MED13: variants seen among roughly 807,000 people sequenced by gnomAD.
MED13 encodes mediator complex subunit 13.
A neutral mutation model predicts 225.2 loss-of-function variants in MED13; 23 were observed. The ratio of observed to expected loss-of-function variants is 0.10; its 90% CI spans 0.07 to 0.14. The LOEUF (loss-of-function observed/expected upper bound fraction) is 0.14, where lower values mean the gene tolerates loss of function less well. Among genes scored for constraint, MED13 ranks in the 10% least tolerant of loss-of-function variants. MED13 has a pLI of 1.00. For synonymous variants in MED13, 942 were observed against 889.2 expected, an observed-to-expected ratio of 1.06 and a Z score of -1.06; for missense variants, 2,197 against 2,594.5, an observed-to-expected ratio of 0.85 and a Z score of 3.33.
Position 62,015,867 on chromosome 17 carries a change from ATG to A in MED13, c.1284-4636_1284-4635del, listed in dbSNP as rs754140011. Among the ~76,000 whole-genome samples, 383 of 77,236 alleles carry A rather than the reference ATG, an allele frequency of 5.0e-3. 9 individuals are homozygous for A. The highest frequency in any genetic ancestry group is 5.7e-3 in the Non-Finnish European group (248 of 43,400). The allele number at this position is 77,236 out of a possible 152,430, so 50.7% of individuals were successfully genotyped here. ...CACTATATATATGTGTATAGTGTGT[ATG>A]TGTGTGTGTATATATATACACACAC... is the stretch of plus-strand genomic sequence containing the variant. On this transcript the variant is annotated intron_variant, in intron 8 of 29. Transcript: ENST00000397786.
chr17:61,963,005 G>T, intron 20 of MED13, 34 bp from the exon 21 acceptor site: 1 of 1,587,800 alleles, frequency 6.3e-7, no homozygotes, highest in Non-Finnish European at 8.6e-7. Flanking sequence ...ACAAAAAGTT[G>T]TACTGTATAT....
intron 2 of MED13, among the ~76,000 whole-genome samples, chr17:62,053,479 G>T (rs1010202265): frequency 1.3e-5 from 2 of 152,092 alleles, no homozygotes; most frequent in African/African-American, 4.8e-5. Flanking sequence ...GTCATTTTGA[G>T]ATAAGTCTGG....
intron 8 of MED13, among the ~76,000 whole-genome samples, chr17:62,011,690 C>T (rs1031043513): frequency 1.3e-5 from 2 of 152,086 alleles, no homozygotes; most frequent in South Asian, 4.1e-4. Context: ...GGCCAGAAAG[C>T]GTATTCTACT....
At chr17:62,042,510 C>A (rs529931927) in intron 3 of MED13, among the ~76,000 whole-genome samples, 1 of 135,626 alleles carries the variant, frequency 7.4e-6, no homozygotes, top group East Asian at 2.3e-4. Context: ...TGCAATGAGC[C>A]GAGATTGCGC....
intron 8 of MED13, among the ~76,000 whole-genome samples, chr17:62,015,942 ATATATATATATATTTTTTT>A (rs1470854884): frequency 1.2e-3 from 12 of 10,024 alleles, no homozygotes; most frequent in Non-Finnish European, 2.2e-3. Context: ...ATATATATAT[ATATATATATATATTTTTTT>A]TTTTTTTTTT....
In MED13 at chr17:61,943,309, T is replaced by C. The variant is rs557524482; in HGVS notation, c.*3159A>G. On this transcript the variant is annotated 3_prime_UTR_variant, in exon 30 of 30. Coordinates refer to ENST00000397786, the MANE Select transcript of MED13 (RefSeq NM_005121.3). ...ATGAATAGCAAATTATATGATGCAA[T>C]AGCATTTAAAAACTTTTTAATCTAT... 6.5e-6 allele frequency: 1 copy of C among 152,722 alleles called. No individual in the cohort carries two copies. The highest frequency in any genetic ancestry group is 2.4e-5 in the African/African-American group (1 of 41,584). 9.5% of individuals were successfully genotyped at this position (152,722 alleles called of 1,614,324 possible). A position where few individuals can be genotyped will look rare whatever the true frequency, so the allele number is the denominator to read the frequency against.
intron 8 of MED13, among the ~76,000 whole-genome samples, chr17:62,028,902 A>C (rs888739440): frequency 6.6e-6 from 1 of 152,218 alleles, no homozygotes; most frequent in East Asian, 1.9e-4. Flanking sequence ...TCACACCTGT[A>C]ATCATAGCAC....
chr17:62,052,584 C>T lies in MED13; in HGVS notation c.423G>A (p.Lys141=), dbSNP rs1469867764. The T allele has an allele frequency of 6.9e-6, 11 of 1,597,480 alleles. No homozygotes were observed. Among genetic ancestry groups the T allele is most frequent in the Non-Finnish European group, 8.5e-6 (10 of 1,171,118 alleles). Residue 141 remains lysine, a synonymous_variant, in exon 3 of 30, where the codon AAG becomes AAA. Transcript: ENST00000397786. The part of the protein sequence containing the change: ...LMNRNFVRIG[K]WFVKPYEKDE... ...CTTTTTCATAAGGCTTTACAAACCA[C>T]TTGCCAATACGTACAAAATTCCTGT... is the stretch of plus-strand genomic sequence containing the variant.
At chr17:61,977,780 T>C (rs927597192) in intron 16 of MED13, among the ~76,000 whole-genome samples, 6 of 152,034 alleles carry the variant, frequency 3.9e-5, no homozygotes, top group African/African-American at 9.6e-5. Flanking sequence ...AAATTTTTAA[T>C]TGAAATATAA....
At chr17:62,065,052 T>A in intron 1 of MED13, 88 bp downstream of exon 1, 3 of 1,241,928 alleles carry the variant, frequency 2.4e-6, no homozygotes, top group Non-Finnish European at 3.3e-6. Flanking sequence ...AACTCGGGCA[T>A]CTGGACCAGA....
chr17:61,968,251 A>C lies in MED13; in HGVS notation c.3975T>G (p.Asp1325Glu). 1 of 1,608,248 alleles carries C rather than the reference A, an allele frequency of 6.2e-7. No individual in the cohort carries two copies. Among genetic ancestry groups the C allele is most frequent in the Non-Finnish European group, 8.5e-7 (1 of 1,176,264 alleles). The change falls in exon 18 of 30, where the codon GAT (aspartate) becomes GAG (glutamate). Residue 1325 changes from aspartate (D) to glutamate (E), a missense_variant. Asp to Glu is a conservative substitution (Grantham distance 45). This residue lies in a region of MED13 where 47 missense variants were observed against 93.8 expected (regional missense o/e 0.50). Transcript: ENST00000397786. ...KMAGRGSYGT[D>E]ESPEPLPIPT... ...GGATTGGCAGTGGTTCTGGGGATTCATCAGTTCCTAAATAAGAAAGATGTA... is the reference window on the plus strand; with the variant it reads ...GGATTGGCAGTGGTTCTGGGGATTCCTCAGTTCCTAAATAAGAAAGATGTA...
chr17:62,018,024 T>G (rs2080600092), intron 8 of MED13, among the ~76,000 whole-genome samples: 1 of 152,200 alleles, frequency 6.6e-6, no homozygotes, highest in Non-Finnish European at 1.5e-5. Context: ...TTATCAAACA[T>G]GAACAAAATG....
chr17:61,987,229 G>GA, intron 11 of MED13, 101 bp from the exon 12 acceptor site: 3 of 621,864 alleles, frequency 4.8e-6, no homozygotes, highest in Non-Finnish European at 7.6e-6. Flanking sequence ...GAGGTCAGGA[G>GA]TTCAGGACCA....
intron 5 of MED13, chr17:62,032,565 T>C (rs1430456499): frequency 6.6e-6 from 1 of 152,122 alleles, no homozygotes; most frequent in Non-Finnish European, 1.5e-5. Flanking sequence ...ATATGGTAGA[T>C]TCTAATTCCA....
intron 28 of MED13, among the ~76,000 whole-genome samples, chr17:61,950,140 T>C (rs944931821): frequency 1.3e-5 from 2 of 152,182 alleles, no homozygotes; most frequent in Non-Finnish European, 2.9e-5. Flanking sequence ...TTTTCTGAAC[T>C]TAAATATGCT....
chr17:61,979,208 T>G (rs2080182636), intron 16 of MED13, among the ~76,000 whole-genome samples: 1 of 152,234 alleles, frequency 6.6e-6, no homozygotes, highest in Non-Finnish European at 1.5e-5. Context: ...TCCTCAATAG[T>G]ATCACTAAGA....
chr17:62,001,382 C>T (rs1455589343), intron 9 of MED13, among the ~76,000 whole-genome samples: 6 of 152,158 alleles, frequency 3.9e-5, no homozygotes, highest in Admixed American at 2.0e-4. Context: ...TATGAGTTGT[C>T]CAAACTGATC....
intron 9 of MED13, 145 bp from the exon 10 acceptor site, chr17:61,995,510 A>G: frequency 1.7e-6 from 1 of 584,900 alleles, no homozygotes; most frequent in Non-Finnish European, 2.8e-6. Flanking sequence ...AGGCATGAAA[A>G]TATTAAATAA....
At chr17:62,035,419 C>A (rs1271819137) in intron 4 of MED13, 44 bp downstream of exon 4, 1 of 1,474,688 alleles carries the variant, frequency 6.8e-7, no homozygotes, top group Non-Finnish European at 9.2e-7. Flanking sequence ...AAATAAGGAT[C>A]TTTCAATAAA....
Sources: allele counts gnomAD v4.1 joint callset (sites outside exome capture counted in the v4.1 genomes callset), GRCh38; gene constraint gnomAD v4.1.1; regional missense constraint gnomAD v4.1.1; transcripts MANE v1.5; gene names NCBI Gene and HGNC (gene_info 2026-07-23, HGNC 2026-07-21).